The following CYBRD1 variants were observed in gnomAD, a reference collection of about 807,000 sequenced individuals.
CYBRD1 encodes cytochrome b reductase 1, also known as plasma membrane ascorbate-dependent reductase CYBRD1.
Under a neutral mutation model 21.9 loss-of-function variants are expected in CYBRD1, and 14 were observed. The observed-to-expected ratio is 0.64, with a 90% CI of 0.42 to 1.00. The LOEUF (loss-of-function observed/expected upper bound fraction) is 1.00, where lower values mean the gene tolerates loss of function less well. Among genes scored for constraint, CYBRD1 ranks in the 50% least tolerant of loss-of-function variants. The probability of loss-of-function intolerance (pLI) is 0.00; values close to 1 mark genes in which losing one functional copy is unlikely to be tolerated. For synonymous variants in CYBRD1, 146 were observed against 136.5 expected, an observed-to-expected ratio of 1.07 and a Z score of -0.48; for missense variants, 328 against 352.5, an observed-to-expected ratio of 0.93 and a Z score of 0.56.
rs146713767 is a variant in CYBRD1, at chr2:171,522,589, C to T, written c.44C>T (p.Ser15Leu). The T allele has an allele frequency of 1.5e-3, 2,463 of 1,611,586 alleles. 4 individuals carry two copies. Among genetic ancestry groups the T allele is most frequent in the Non-Finnish European group, 1.9e-3 (2,263 of 1,179,250 alleles). Residue 15 changes from serine (S) to leucine (L), a missense_variant, in exon 1 of 4, where the codon TCG becomes TTG. By Grantham distance (145) the Ser-to-Leu change is moderately radical. Coordinates refer to ENST00000321348, the MANE Select transcript of CYBRD1 (RefSeq NM_024843.4). The surrounding 1 kb of genome is among the most constrained non-coding windows in gnomAD (Gnocchi z 4.3). ...TGGCGCTTCCTGGCGCTGCTGGGGT[C>T]GGCACTGCTCGTCGGCTTCCTGTCG... ...GYWRFLALLGSALLVGFLSVI... is the reference protein window; with the variant it reads ...GYWRFLALLGLALLVGFLSVI...
chr2:171,548,770 T>TA (rs55810777), intron 2 of CYBRD1, among the ~76,000 whole-genome samples: 27,212 of 115,886 alleles, frequency 0.23, 2,688 homozygotes, highest in Non-Finnish European at 0.28. Context: ...TTACACACAC[T>TA]AAAAAAAAAA....
intron 1 of CYBRD1, among the ~76,000 whole-genome samples, chr2:171,534,286 A>T (rs1032521306): frequency 2.6e-5 from 4 of 152,216 alleles, no homozygotes; most frequent in African/African-American, 4.8e-5. Context: ...TAGCTGTTTT[A>T]TACCATTTCC....
At position 171,557,828 on chromosome 2, in the gene CYBRD1, G is replaced by A. The variant is rs1054341695; in HGVS notation, c.*3001G>A. On this transcript the variant is annotated 3_prime_UTR_variant, in exon 4 of 4. Transcript: ENST00000321348. ...CTAAAAGCACAAAGACAGAAGTAAA[G>A]CTTTATGCTAATTTTATTTCAATAT... 3 of 152,114 alleles carry A rather than the reference G, an allele frequency of 2.0e-5. No individual in the cohort carries two copies. Among genetic ancestry groups the A allele is most frequent in the African/African-American group, 7.2e-5 (3 of 41,430 alleles). 9.4% of individuals were successfully genotyped at this position (152,114 alleles called of 1,614,324 possible).
intron 2 of CYBRD1, among the ~76,000 whole-genome samples, chr2:171,543,656 A>T (rs1169377251): frequency 1.3e-5 from 2 of 152,004 alleles, no homozygotes; most frequent in African/African-American, 4.8e-5. Flanking sequence ...ATTAAACAAG[A>T]TGTTTAAATA....
intron 3 of CYBRD1, among the ~76,000 whole-genome samples, chr2:171,554,190 T>C (rs1683440588): frequency 6.6e-6 from 1 of 152,156 alleles, no homozygotes; most frequent in Admixed American, 6.6e-5. Context: ...CTCGGGTCCT[T>C]TTGCTACTTA....
rs1418430722 is a variant in CYBRD1, at chr2:171,522,573, C to T, written c.28C>T (p.Leu10=). The part of the protein sequence containing the change: MAMEGYWRF[L]ALLGSALLVG... ...GGCCATGGAGGGCTACTGGCGCTTC[C>T]TGGCGCTGCTGGGGTCGGCACTGCT... The change falls in exon 1 of 4, where the codon CTG becomes TTG. Residue 10 remains leucine (L), a synonymous_variant. Transcript: ENST00000321348. This position sits in a 1 kb window ranked among gnomAD's most constrained non-coding sequence, Gnocchi z 4.3. 6.2e-7 allele frequency: 1 copy of T among 1,609,476 alleles called. No homozygotes were observed. Among genetic ancestry groups the T allele is most frequent in the Middle Eastern group, 1.7e-4 (1 of 6,040 alleles).
At chr2:171,536,266 A>G (rs1559315822) in intron 1 of CYBRD1, among the ~76,000 whole-genome samples, 2 of 150,904 alleles carry the variant, frequency 1.3e-5, no homozygotes, top group Admixed American at 6.7e-5. Context: ...GGTCTCCCCA[A>G]GTAGCTGGGA....
At position 171,522,739 on chromosome 2, in the gene CYBRD1, G is replaced by A; in HGVS notation, c.193+1G>A. The A allele has an allele frequency of 1.2e-6, 2 of 1,613,376 alleles. No individual in the cohort carries two copies. The highest frequency in any genetic ancestry group is 1.7e-6 in the Non-Finnish European group (2 of 1,179,882). ...GGCTTCGTCTTCATCCAGGGCATCG[G>A]TACTGGCACCTCCTGGGGGGGTGCG... is the stretch of plus-strand genomic sequence containing the variant. On this transcript the variant is annotated splice_donor_variant, in intron 1 of 3. Coordinates refer to ENST00000321348, the MANE Select transcript of CYBRD1 (RefSeq NM_024843.4). LOFTEE classifies it high-confidence loss of function. This position sits in a 1 kb window ranked among gnomAD's most constrained non-coding sequence, Gnocchi z 4.3.
chr2:171,529,153 T>C (rs1235648201), intron 1 of CYBRD1, among the ~76,000 whole-genome samples: 7 of 152,188 alleles, frequency 4.6e-5, no homozygotes, highest in South Asian at 4.1e-4. Context: ...CCAACAAGGA[T>C]TGGAGTACAA....
chr2:171,541,288 G>C (rs1228336998), intron 1 of CYBRD1, among the ~76,000 whole-genome samples: 1 of 152,168 alleles, frequency 6.6e-6, no homozygotes. Flanking sequence ...CAGTGAAAGA[G>C]TGAATGAGAT....
At chr2:171,548,060 G>T (rs924032193) in intron 2 of CYBRD1, among the ~76,000 whole-genome samples, 1 of 152,066 alleles carries the variant, frequency 6.6e-6, no homozygotes, top group African/African-American at 2.4e-5. Flanking sequence ...TGTCTGTTAC[G>T]TCCCTTATAA....
At chr2:171,525,208 G>C (rs1352668743) in intron 1 of CYBRD1, among the ~76,000 whole-genome samples, 5 of 152,176 alleles carry the variant, frequency 3.3e-5, no homozygotes, top group Non-Finnish European at 7.3e-5. Context: ...AGACTGCTGA[G>C]ATTACAGACG....
chr2:171,536,133 CTTT>C (rs71013042), intron 1 of CYBRD1, among the ~76,000 whole-genome samples: 79 of 110,266 alleles, frequency 7.2e-4, no homozygotes, highest in African/African-American at 2.6e-3. Context: ...GATAGTTACT[CTTT>C]TTTTTTTTTT....
rs767447864 is a variant in CYBRD1 at position 171,522,723 on chromosome 2, T to C, written c.178T>C (p.Phe60Leu). 3.2e-5 allele frequency: 52 copies of C among 1,613,306 alleles called. No individual in the cohort carries two copies. The Admixed American group carries it at 4.8e-4, about 15-fold the overall frequency. The change falls in exon 1 of 4, where the codon TTC (phenylalanine) becomes CTC (leucine). Residue 60 changes from phenylalanine (F) to leucine (L), a missense_variant. By Grantham distance (22) the Phe-to-Leu change is conservative. Coordinates refer to ENST00000321348, the MANE Select transcript of CYBRD1 (RefSeq NM_024843.4). This position sits in a 1 kb window ranked among gnomAD's most constrained non-coding sequence, Gnocchi z 4.3. ...HPVLMVTGFV[F>L]IQGIAIIVYR... ...AGTGCTCATGGTCACCGGCTTCGTC[T>C]TCATCCAGGGCATCGGTACTGGCAC...
chr2:171,541,122 T>C, intron 1 of CYBRD1: 1 of 188,838 alleles, frequency 5.3e-6, no homozygotes, highest in Non-Finnish European at 1.1e-5. Flanking sequence ...TTGTTAAGAT[T>C]AGGAATTTGG....
At chr2:171,523,874 G>A (rs1697348018) in intron 1 of CYBRD1, among the ~76,000 whole-genome samples, 1 of 152,218 alleles carries the variant, frequency 6.6e-6, no homozygotes, top group Admixed American at 6.5e-5. Context: ...AAGGGGTGGA[G>A]TGGTGTTATG....
At chr2:171,523,271 G>A (rs960749) in intron 1 of CYBRD1, 251,794 of 427,350 alleles carry the variant, frequency 0.59, 75,849 homozygotes, top group East Asian at 0.85. Flanking sequence ...AAAGATTGCC[G>A]GAGCGAGAAT....
chr2:171,522,500 C>T lies in CYBRD1; in HGVS notation c.-46C>T, dbSNP rs774855600. 40 of 1,559,054 alleles carry T rather than the reference C, an allele frequency of 2.6e-5. No homozygotes were observed. In the South Asian group the frequency reaches 2.9e-4, roughly 11 times the overall value. ...CCACTACCCAGAGGGCTGCCGCCGC[C>T]TCTCCAAGTTCTTGTGGCCCCCGCG... On this transcript the variant is annotated 5_prime_UTR_variant, in exon 1 of 4. Coordinates refer to ENST00000321348, the MANE Select transcript of CYBRD1 (RefSeq NM_024843.4). This position sits in a 1 kb window ranked among gnomAD's most constrained non-coding sequence, Gnocchi z 4.3.
intron 1 of CYBRD1, among the ~76,000 whole-genome samples, chr2:171,537,155 T>G (rs191858992): frequency 5.5e-4 from 84 of 152,160 alleles, no homozygotes; most frequent in Admixed American, 1.2e-3. Flanking sequence ...GTGTGTGTGT[T>G]TGTGTGTCTG....
Sources: gnomAD v4.1 joint callset for allele counts (sites outside exome capture counted in the v4.1 genomes callset) on GRCh38, gnomAD v4.1.1 for gene constraint, Gnocchi (gnomAD v3.1) non-coding constraint, MANE v1.5 for transcripts, NCBI Gene and HGNC (gene_info 2026-07-23, HGNC 2026-07-21) for gene names.